Variants in OPRM1 observed in about 807,000 individuals in gnomAD.
OPRM1 encodes mu-type opioid receptor.
In OPRM1, 27 loss-of-function variants were observed where a neutral mutation model predicts 31.8. That is an observed-to-expected ratio of 0.85 (90% CI 0.63 to 1.17). The LOEUF (loss-of-function observed/expected upper bound fraction) is 1.17. Ranked by LOEUF, OPRM1 falls within the 50% of genes most tolerant of loss-of-function variation. The pLI, the probability that OPRM1 is intolerant of heterozygous loss-of-function variation, is 0.00. For missense variants in OPRM1, 536 were observed against 511.1 expected (o/e 1.05, Z -0.47); for synonymous variants, 196 against 189.9 (o/e 1.03, Z -0.26).
intron 3 of OPRM1, chr6:154,219,311 C>T (rs1312788885): frequency 6.6e-6 from 1 of 152,298 alleles, no homozygotes; most frequent in Non-Finnish European, 1.5e-5. Flanking sequence ...TCTCACTCAC[C>T]TCTTGCTGGA....
intron 3 of OPRM1, among the ~76,000 whole-genome samples, chr6:154,182,024 C>T (rs1800927773): frequency 6.6e-6 from 1 of 151,930 alleles, no homozygotes; most frequent in African/African-American, 2.4e-5. Flanking sequence ...TGCACATCTG[C>T]GCATGTATCC....
intron 3 of OPRM1, among the ~76,000 whole-genome samples, chr6:154,177,240 T>C (rs1800411534): frequency 6.6e-6 from 1 of 152,176 alleles, no homozygotes; most frequent in Non-Finnish European, 1.5e-5. Flanking sequence ...AAAGACTTCA[T>C]GACTAAAACA....
chr6:154,065,679 A>G (rs931404566), intron 1 of OPRM1, among the ~76,000 whole-genome samples: 4 of 151,306 alleles, frequency 2.6e-5, no homozygotes, highest in African/African-American at 9.7e-5. Context: ...AATCTTTAGT[A>G]TTTTCTACTT....
intron 1 of OPRM1, among the ~76,000 whole-genome samples, chr6:154,022,360 G>A (rs1243859747): frequency 7.1e-6 from 1 of 141,546 alleles, no homozygotes; most frequent in African/African-American, 3.0e-5. Context: ...CTGAAGAAGA[G>A]AAGAGCCTCT....
intron 3 of OPRM1, among the ~76,000 whole-genome samples, chr6:154,116,360 TA>T (rs1425679882): frequency 6.6e-6 from 1 of 151,970 alleles, no homozygotes; most frequent in Non-Finnish European, 1.5e-5. Context: ...CCGAGGCAAG[TA>T]GATCACTTGA....
intron 1 of OPRM1, among the ~76,000 whole-genome samples, chr6:154,022,208 C>T (rs1583133133): frequency 6.6e-6 from 1 of 152,276 alleles, no homozygotes; most frequent in Non-Finnish European, 1.5e-5. Context: ...CTGTTAGATG[C>T]TTTTTCTGCA....
chr6:154,242,574 A>G (rs113308143), intron 3 of OPRM1, among the ~76,000 whole-genome samples: 2 of 152,206 alleles, frequency 1.3e-5, no homozygotes, highest in African/African-American at 2.4e-5. Flanking sequence ...TACTCAAAAA[A>G]GAGGACAAGC....
At chr6:154,090,732 A>C (rs2128485292) in intron 2 of OPRM1, among the ~76,000 whole-genome samples, 1 of 152,330 alleles carries the variant, frequency 6.6e-6, no homozygotes, top group South Asian at 2.1e-4. Context: ...ATGTGATCGA[A>C]GTGGACTGCA....
intron 3 of OPRM1, among the ~76,000 whole-genome samples, chr6:154,184,738 T>C (rs902444707): frequency 1.1e-4 from 17 of 151,430 alleles, no homozygotes; most frequent in South Asian, 4.3e-4. Context: ...ATTGGGAAAA[T>C]GCTGGTAAAG....
chr6:154,104,864 A>G (rs1741019989), intron 3 of OPRM1, among the ~76,000 whole-genome samples: 1 of 152,156 alleles, frequency 6.6e-6, no homozygotes, highest in Non-Finnish European at 1.5e-5. Context: ...ACCCTCAAAT[A>G]CCTATAAGTT....
rs552684021 is a variant in OPRM1, at chr6:154,236,497, A to C, written c.1165-10196A>C. On this transcript the variant is annotated intron_variant, in intron 3 of 3. Coordinates refer to the OPRM1 transcript ENST00000337049. The stretch of plus-strand genomic sequence containing the variant: ...TGCTGACGGTTGCACAGTAATAAGA[A>C]ATTAAGCAATGCCACTCAACTGTAC... Among the ~76,000 whole-genome samples, 173 of 152,328 alleles carry C rather than the reference A, an allele frequency of 1.1e-3. 1 individual carries two copies. The highest frequency in any genetic ancestry group is 3.4e-3 in the Middle Eastern group (1 of 294).
upstream of OPRM1, among the ~76,000 whole-genome samples, chr6:154,036,837 A>G (rs1779330908): frequency 6.6e-6 from 1 of 151,924 alleles, no homozygotes; most frequent in African/African-American, 2.4e-5. Flanking sequence ...ACTGAATTCA[A>G]ATATTATGCA....
At chr6:154,031,939 T>C (rs1304231630) in intron 1 of OPRM1, among the ~76,000 whole-genome samples, 1 of 152,200 alleles carries the variant, frequency 6.6e-6, no homozygotes, top group East Asian at 1.9e-4. Flanking sequence ...GGACCTTAGA[T>C]GTCAGGATGT....
At chr6:154,155,876 T>TA (rs1250891196) in intron 3 of OPRM1, 3 of 152,260 alleles carry the variant, frequency 2.0e-5, no homozygotes, top group Non-Finnish European at 4.4e-5. Context: ...TCAAAAGACT[T>TA]AAAAATATTT....
intron 3 of OPRM1, chr6:154,159,799 A>G (rs777936271): frequency 6.5e-7 from 1 of 1,545,762 alleles, no homozygotes; most frequent in Non-Finnish European, 8.9e-7. Flanking sequence ...TTGTGATAAA[A>G]TATAAGAGGA....
chr6:154,032,262 A>G (rs897976990), intron 1 of OPRM1, among the ~76,000 whole-genome samples: 5 of 152,204 alleles, frequency 3.3e-5, no homozygotes, highest in Admixed American at 3.3e-4. Flanking sequence ...TGCTTTATTA[A>G]CGAAGCTCAT....
intron 3 of OPRM1, among the ~76,000 whole-genome samples, chr6:154,197,680 G>T (rs1776723765): frequency 6.6e-6 from 1 of 152,220 alleles, no homozygotes; most frequent in Non-Finnish European, 1.5e-5. Context: ...ATGGCATTTA[G>T]CCAGGAACAA....
At chr6:154,085,440 TATTTA>T (rs1348242093) in intron 1 of OPRM1, among the ~76,000 whole-genome samples, 1 of 152,216 alleles carries the variant, frequency 6.6e-6, no homozygotes, top group Non-Finnish European at 1.5e-5. Context: ...ACAAAAGAGC[TATTTA>T]ATCATCTAGA....
At chr6:154,204,311 C>T (rs1031169914) in intron 3 of OPRM1, among the ~76,000 whole-genome samples, 23 of 152,060 alleles carry the variant, frequency 1.5e-4, no homozygotes, top group Non-Finnish European at 2.8e-4. Context: ...TGTAATTAGG[C>T]AGAAGTGAGT....
Sources: allele counts gnomAD v4.1 joint callset (sites outside exome capture counted in the v4.1 genomes callset), GRCh38; gene constraint gnomAD v4.1.1; transcripts MANE v1.5; gene names NCBI Gene and HGNC (gene_info 2026-07-23, HGNC 2026-07-21).